Variants in SEL1L3 observed in about 807,000 individuals in gnomAD.
The protein encoded by SEL1L3 is SEL1L family member 3, also known as protein sel-1 homolog 3.
In SEL1L3, 76 loss-of-function variants were observed where a neutral mutation model predicts 142.8. The ratio of observed to expected loss-of-function variants is 0.53; its 90% CI spans 0.44 to 0.64. SEL1L3 has a LOEUF of 0.64. Among genes scored for constraint, SEL1L3 ranks in the 30% least tolerant of loss-of-function variants. SEL1L3 has a pLI of 0.00. For synonymous variants in SEL1L3, 504 were observed against 519.6 expected (o/e 0.97, Z 0.41); for missense variants, 1,262 against 1,381.7 (o/e 0.91, Z 1.37).
chr4:25,717,266 C>A, the SEL1L3 span, among the ~76,000 whole-genome samples: 2 of 152,268 alleles, frequency 1.3e-5, no homozygotes, highest in Admixed American at 6.5e-5. Context: ...GAGGATGAAC[C>A]TTTTCCTGGC....
At chr4:25,758,565 A>C (rs1232729608) in intron 21 of SEL1L3, among the ~76,000 whole-genome samples, 1 of 152,234 alleles carries the variant, frequency 6.6e-6, no homozygotes, top group Non-Finnish European at 1.5e-5. Flanking sequence ...CTTCCGATCA[A>C]GTACCTTCTA....
the SEL1L3 span, among the ~76,000 whole-genome samples, chr4:25,716,884 T>A: frequency 1.3e-5 from 2 of 152,072 alleles, no homozygotes; most frequent in South Asian, 4.2e-4. Context: ...CCCAGAACCT[T>A]TGGAGGCCAA....
At chr4:25,734,962 TAATAA>T in the SEL1L3 span, among the ~76,000 whole-genome samples, 182 of 151,204 alleles carry the variant, frequency 1.2e-3, no homozygotes, top group African/African-American at 4.3e-3. Context: ...AACACTAACC[TAATAA>T]AATAAGTTCA....
At chr4:25,862,450 A>C (rs2109334990) in intron 1 of SEL1L3, among the ~76,000 whole-genome samples, 1 of 152,032 alleles carries the variant, frequency 6.6e-6, no homozygotes, top group South Asian at 2.1e-4. Context: ...AGGGAAAGGA[A>C]TGAGCACGAG....
At chr4:25,775,747 G>A (rs1342104197) in intron 17 of SEL1L3, among the ~76,000 whole-genome samples, 1 of 152,190 alleles carries the variant, frequency 6.6e-6, no homozygotes, top group South Asian at 2.1e-4. Flanking sequence ...CCACCAGAAG[G>A]TTAGGAAGGA....
intron 7 of SEL1L3, 52 bp from the exon 8 acceptor site, chr4:25,819,992 T>C (rs979448828): frequency 6.4e-7 from 1 of 1,559,478 alleles, no homozygotes; most frequent in Non-Finnish European, 8.7e-7. Context: ...CAAATATCCA[T>C]CCACCTCTAG....
At chr4:25,743,603 T>C (rs4697111), downstream of SEL1L3, among the ~76,000 whole-genome samples, 135,207 of 152,190 alleles carry the variant, frequency 0.89, 60,259 homozygotes, top group East Asian at 1. Context: ...CCACTCGAAG[T>C]TGGGAGGGGG....
the SEL1L3 span, chr4:25,719,008 C>G: frequency 6.6e-6 from 1 of 152,134 alleles, no homozygotes; most frequent in Non-Finnish European, 1.5e-5. Context: ...GAAACCCCGT[C>G]TCTACTAAAA....
At chr4:25,767,914 G>A (rs1718866138) in intron 17 of SEL1L3, 84 bp from the exon 18 acceptor site, 1 of 815,274 alleles carries the variant, frequency 1.2e-6, no homozygotes, top group East Asian at 2.8e-5. Context: ...ACATAAGAGG[G>A]CACAAAATAA....
intron 20 of SEL1L3, among the ~76,000 whole-genome samples, chr4:25,760,183 T>C (rs1718279493): frequency 6.6e-6 from 1 of 152,220 alleles, no homozygotes; most frequent in Non-Finnish European, 1.5e-5. Context: ...TTTGGTTTTC[T>C]GCTCCTGCAT....
At chr4:25,805,222 T>C (rs141665664) in intron 9 of SEL1L3, among the ~76,000 whole-genome samples, 72 of 152,356 alleles carry the variant, frequency 4.7e-4, no homozygotes, top group Non-Finnish European at 8.7e-4. Flanking sequence ...GTTTTTCTCA[T>C]GGGTCTCCAA....
intron 15 of SEL1L3, among the ~76,000 whole-genome samples, chr4:25,781,654 A>G (rs1375459302): frequency 6.6e-6 from 1 of 152,202 alleles, no homozygotes. Flanking sequence ...GTGTGACCCT[A>G]CGTTACTTAA....
intron 12 of SEL1L3, among the ~76,000 whole-genome samples, chr4:25,789,172 T>G (rs752524331): frequency 1.3e-5 from 2 of 152,202 alleles, no homozygotes; most frequent in African/African-American, 2.4e-5. Flanking sequence ...CCTTCCTTCT[T>G]TCTGCTTCTC....
chr4:25,809,531 G>T (rs560796202), intron 9 of SEL1L3, among the ~76,000 whole-genome samples: 1 of 152,124 alleles, frequency 6.6e-6, no homozygotes, highest in East Asian at 1.9e-4. Context: ...TGATCCTCCC[G>T]CATTGGCCTC....
intron 17 of SEL1L3, among the ~76,000 whole-genome samples, chr4:25,769,487 A>C (rs1718997775): frequency 6.6e-6 from 1 of 152,206 alleles, no homozygotes; most frequent in African/African-American, 2.4e-5. Flanking sequence ...GTGCAGCTGC[A>C]ACAACGTCCC....
chr4:25,717,361 T>C, the SEL1L3 span, among the ~76,000 whole-genome samples: 14 of 152,296 alleles, frequency 9.2e-5, no homozygotes, highest in African/African-American at 3.4e-4. Flanking sequence ...TATAATATTT[T>C]GTTTTATAAA....
At chr4:25,753,192 A>G (rs1717714190) in intron 23 of SEL1L3, among the ~76,000 whole-genome samples, 1 of 152,252 alleles carries the variant, frequency 6.6e-6, no homozygotes, top group South Asian at 2.1e-4. Context: ...TGTCAACTAT[A>G]TATCACAGAG....
intron 8 of SEL1L3, 41 bp from the exon 9 acceptor site, chr4:25,818,319 A>G (rs547094193): frequency 4.5e-6 from 7 of 1,544,530 alleles, no homozygotes; most frequent in South Asian, 1.2e-5. Context: ...ACCCTTTAGC[A>G]GAAGATAAGA....
chr4:25,767,829 G>A lies in SEL1L3; in HGVS notation c.2671C>T (p.His891Tyr). The change falls in exon 18 of 24, where the codon CAT (histidine) becomes TAT (tyrosine). Residue 891 changes from histidine (H) to tyrosine (Y), a missense_variant and splice_region_variant. Physicochemically the swap from His to Tyr is moderately conservative, Grantham distance 83. Transcript: ENST00000399878. Reference sequence around the variant, plus strand: ...AAAACATAATACAGCAAAGCTTCATGCCTAAAAATAGATGATTAATAATAA... The same window carrying A: ...AAAACATAATACAGCAAAGCTTCATACCTAAAAATAGATGATTAATAATAA... ...GLNAYLEGSW[H>Y]EALLYYVLAA... 1.3e-6 allele frequency: 2 copies of A among 1,539,094 alleles called. No homozygotes were observed. Among genetic ancestry groups the A allele is most frequent in the Non-Finnish European group, 8.8e-7 (1 of 1,132,592 alleles).
Sources: allele counts gnomAD v4.1 joint callset (sites outside exome capture counted in the v4.1 genomes callset), GRCh38; gene constraint gnomAD v4.1.1; transcripts MANE v1.5; gene names NCBI Gene and HGNC (gene_info 2026-07-23, HGNC 2026-07-21).